Variants in ADGRE3 observed in about 807,000 individuals in gnomAD.
ADGRE3 encodes the protein EGF-like module receptor 3.
ADGRE3 carries 88 observed loss-of-function variants against 80.1 expected under a neutral mutation model. The observed-to-expected ratio is 1.10, with a 90% CI of 0.93 to 1.31. The LOEUF is 1.31. Among genes scored for constraint, ADGRE3 ranks in the 40% most tolerant of loss-of-function variants. ADGRE3 has a pLI of 0.00. For synonymous variants in ADGRE3, 281 were observed against 294.8 expected, an observed-to-expected ratio of 0.95 and a Z score of 0.48; for missense variants, 715 against 776.5, an observed-to-expected ratio of 0.92 and a Z score of 0.94.
intron 14 of ADGRE3, among the ~76,000 whole-genome samples, chr19:14,628,028 T>C (rs1970779427): frequency 6.6e-6 from 1 of 151,876 alleles, no homozygotes; most frequent in East Asian, 1.9e-4. Context: ...CTCAGGAGGC[T>C]GAGGCAGGAT....
At chr19:14,629,081 C>T (rs143073587) in intron 14 of ADGRE3, among the ~76,000 whole-genome samples, 4 of 152,132 alleles carry the variant, frequency 2.6e-5, no homozygotes, top group East Asian at 1.9e-4. Flanking sequence ...CCATCATACC[C>T]GGGTAATTGT....
At chr19:14,623,871 G>A (rs1238829286) in intron 15 of ADGRE3, among the ~76,000 whole-genome samples, 1 of 152,186 alleles carries the variant, frequency 6.6e-6, no homozygotes, top group Non-Finnish European at 1.5e-5. Flanking sequence ...TTAGTGAGCA[G>A]AGAGGAGTCA....
chr19:14,619,172 C>G lies in ADGRE3; in HGVS notation c.*261G>C, dbSNP rs531369650. 2.2e-6 allele frequency: 1 copy of G among 451,610 alleles called. No homozygotes were observed. The highest frequency in any genetic ancestry group is 3.9e-6 in the Non-Finnish European group (1 of 254,662). The allele number at this position is 451,610 out of a possible 1,614,324, so 28.0% of individuals were successfully genotyped here. On this transcript the variant is annotated 3_prime_UTR_variant, in exon 16 of 16. Transcript: ENST00000253673. Reference sequence around the variant, plus strand: ...AAGGACCTCTTCATTTACAAAAAGTCAAGGAAATATTTGCAGTGGTCATGC... The same window carrying G: ...AAGGACCTCTTCATTTACAAAAAGTGAAGGAAATATTTGCAGTGGTCATGC...
chr19:14,623,312 A>AT lies in ADGRE3; in HGVS notation c.1920+2179_1920+2180insA, dbSNP rs1970643812. Reference sequence around the variant, plus strand: ...AAAAAAAAAAAATAAAAAAAAAAAAAAATAAAACTCCTGGACTTAAGTGAT... The same window carrying AT: ...AAAAAAAAAAAATAAAAAAAAAAAAATAATAAAACTCCTGGACTTAAGTGAT... On this transcript the variant is annotated intron_variant, in intron 15 of 15. Coordinates refer to ENST00000253673, the MANE Select transcript of ADGRE3 (RefSeq NM_032571.5). Among the ~76,000 whole-genome samples, 3 of 27,316 alleles carry AT rather than the reference A, an allele frequency of 1.1e-4. 1 individual carries two copies. Among genetic ancestry groups the AT allele is most frequent in the Non-Finnish European group, 2.6e-4 (3 of 11,484 alleles). The allele number at this position is 27,316 out of a possible 152,430, so 17.9% of individuals were successfully genotyped here.
Position 14,674,821 on chromosome 19 carries a change from T to C in ADGRE3, c.-51A>G, listed in dbSNP as rs1972352114. The C allele has an allele frequency of 6.3e-7, 1 of 1,596,212 alleles. No individual in the cohort carries two copies. Among genetic ancestry groups the C allele is most frequent in the Non-Finnish European group, 8.5e-7 (1 of 1,170,190 alleles). On this transcript the variant is annotated 5_prime_UTR_variant, in exon 1 of 16. Coordinates refer to ENST00000253673, the MANE Select transcript of ADGRE3 (RefSeq NM_032571.5). ...AGCCAGCCCTGGAAGCTCTCTACTGTGCCGTAAGCCAACCACCTTTCCTAG... is the reference window on the plus strand; with the variant it reads ...AGCCAGCCCTGGAAGCTCTCTACTGCGCCGTAAGCCAACCACCTTTCCTAG...
At chr19:14,607,244 G>A in the ADGRE3 span, 4 of 298,754 alleles carry the variant, frequency 1.3e-5, no homozygotes, top group South Asian at 1.5e-4. Flanking sequence ...TTGCTCTGTC[G>A]CCCAGGCTGG....
the ADGRE3 span, among the ~76,000 whole-genome samples, chr19:14,606,724 G>A: frequency 6.6e-6 from 1 of 151,886 alleles, no homozygotes; most frequent in African/African-American, 2.4e-5. Context: ...CTACCAGGAG[G>A]TAGCTACTGT....
rs181577412 is a variant in ADGRE3, at chr19:14,645,488, A to T, written c.883-1213T>A. ...AGTTTGTCCAACATGGCCAGACATC[A>T]TCGCTACTAAAAATACAAAAATGAG... is the stretch of plus-strand genomic sequence containing the variant. On this transcript the variant is annotated intron_variant, in intron 8 of 15. Coordinates refer to ENST00000253673, the MANE Select transcript of ADGRE3 (RefSeq NM_032571.5). Among the ~76,000 whole-genome samples, 44 of 152,106 alleles carry T rather than the reference A, an allele frequency of 2.9e-4. 1 individual carries two copies. Among genetic ancestry groups the T allele is most frequent in the African/African-American group, 1.0e-3 (43 of 41,500 alleles).
downstream of ADGRE3, among the ~76,000 whole-genome samples, chr19:14,617,866 TA>T (rs200361228): frequency 4.7e-5 from 7 of 149,914 alleles, no homozygotes; most frequent in Non-Finnish European, 5.9e-5. Flanking sequence ...AGTGATGACT[TA>T]AAAAAAAAAT....
At chr19:14,624,132 T>A (rs1970673034) in intron 15 of ADGRE3, among the ~76,000 whole-genome samples, 1 of 151,584 alleles carries the variant, frequency 6.6e-6, no homozygotes, top group Non-Finnish European at 1.5e-5. Flanking sequence ...TTCGCTCTTG[T>A]TGCCCAGGCT....
downstream of ADGRE3, among the ~76,000 whole-genome samples, chr19:14,617,357 T>TCTTTCTTTCTTTCTTC (rs2075085336): frequency 8.8e-6 from 1 of 114,198 alleles, no homozygotes; most frequent in Non-Finnish European, 1.8e-5. Context: ...TTTCTTTCTT[T>TCTTTCTTTCTTTCTTC]CTTTCTTTCT....
chr19:14,657,956 A>T (rs1599644413), intron 5 of ADGRE3, among the ~76,000 whole-genome samples: 1 of 151,658 alleles, frequency 6.6e-6, no homozygotes, highest in South Asian at 2.1e-4. Context: ...GTAGAGATGA[A>T]GTTTCACCAT....
the ADGRE3 span, among the ~76,000 whole-genome samples, chr19:14,608,134 A>G: frequency 6.6e-6 from 1 of 152,138 alleles, no homozygotes; most frequent in African/African-American, 2.4e-5. Flanking sequence ...AGCCTCCCAA[A>G]GTGCTGGGAT....
At chr19:14,649,588 A>C (rs1164842735) in intron 7 of ADGRE3, among the ~76,000 whole-genome samples, 4 of 110,150 alleles carry the variant, frequency 3.6e-5, no homozygotes, top group Admixed American at 9.4e-5. Context: ...CTTTCTCCTC[A>C]TCTCTCTCTT....
rs779223895 is a variant in ADGRE3, at chr19:14,647,151, C to A, written c.882+30G>T. 16 of 1,599,314 alleles carry A rather than the reference C, an allele frequency of 1.0e-5. No homozygotes were observed. The East Asian group carries it at 2.9e-4, about 29-fold the overall frequency. ...TCGTTTGGCCTGCCTCCTTGAGAACCCACAAGCTCAAATCATACCTGTGAC... is the reference window on the plus strand; with the variant it reads ...TCGTTTGGCCTGCCTCCTTGAGAACACACAAGCTCAAATCATACCTGTGAC... On this transcript the variant is annotated intron_variant, in intron 8 of 15. Transcript: ENST00000253673.
At chr19:14,646,895 C>T (rs962957522) in intron 8 of ADGRE3, among the ~76,000 whole-genome samples, 9 of 151,878 alleles carry the variant, frequency 5.9e-5, no homozygotes, top group African/African-American at 1.9e-4. Context: ...CTCAGCCTCC[C>T]GAGTAGCTGG....
At chr19:14,659,822 G>GAAAAAAA (rs66908687) in intron 4 of ADGRE3, among the ~76,000 whole-genome samples, 5,899 of 44,726 alleles carry the variant, frequency 0.13, 1,179 homozygotes, top group African/African-American at 0.21. Context: ...CTCTGCCTCT[G>GAAAAAAA]AAAAAAAAAA....
chr19:14,670,462 T>C (rs895279873), intron 1 of ADGRE3, among the ~76,000 whole-genome samples: 1 of 152,210 alleles, frequency 6.6e-6, no homozygotes, highest in African/African-American at 2.4e-5. Flanking sequence ...AAATTCTTCC[T>C]CCTTATGAGA....
chr19:14,658,428 C>G, intron 5 of ADGRE3, 85 bp downstream of exon 5: 1 of 904,898 alleles, frequency 1.1e-6, no homozygotes, highest in Non-Finnish European at 1.6e-6. Flanking sequence ...CTAAATCCAT[C>G]CCCATTTGCT....
Sources: gnomAD v4.1 joint callset for allele counts (sites outside exome capture counted in the v4.1 genomes callset) on GRCh38, gnomAD v4.1.1 for gene constraint, MANE v1.5 for transcripts, NCBI Gene and HGNC (gene_info 2026-07-23, HGNC 2026-07-21) for gene names.